FRMD4A: variants seen among roughly 807,000 people sequenced by gnomAD.
The protein encoded by FRMD4A is FERM domain-containing protein 4A.
A neutral mutation model predicts 129.1 loss-of-function variants in FRMD4A; 29 were observed. The ratio of observed to expected loss-of-function variants is 0.22; its 90% CI spans 0.17 to 0.31. The LOEUF is 0.31. Ranked by LOEUF, FRMD4A falls within the 10% of genes least tolerant of loss-of-function variation. The probability of loss-of-function intolerance (pLI) is 1.00; values close to 1 mark genes in which losing one functional copy is unlikely to be tolerated. For synonymous variants in FRMD4A, 634 were observed against 571.6 expected (o/e 1.11, Z -1.56); for missense variants, 1,272 against 1,375.8 (o/e 0.92, Z 1.19).
intron 2 of FRMD4A, among the ~76,000 whole-genome samples, chr10:13,884,417 T>C (rs2094595001): frequency 6.6e-6 from 1 of 152,162 alleles, no homozygotes; most frequent in Non-Finnish European, 1.5e-5. Context: ...AGTGTTGCCT[T>C]TTTTGTTCAG....
At chr10:14,039,811 CA>C (rs1833708665) in intron 2 of FRMD4A, among the ~76,000 whole-genome samples, 2 of 152,198 alleles carry the variant, frequency 1.3e-5, no homozygotes, top group Admixed American at 1.3e-4. Flanking sequence ...AAGCTGTACC[CA>C]ACCACCTTGG....
At chr10:14,142,719 T>C (rs1272014361) in intron 2 of FRMD4A, among the ~76,000 whole-genome samples, 1 of 152,204 alleles carries the variant, frequency 6.6e-6, no homozygotes, top group African/African-American at 2.4e-5. Flanking sequence ...AGTATTTCAA[T>C]GGGTAGAATG....
intron 2 of FRMD4A, among the ~76,000 whole-genome samples, chr10:13,946,771 T>C (rs1388580163): frequency 6.6e-6 from 1 of 151,878 alleles, no homozygotes; most frequent in Admixed American, 6.6e-5. Flanking sequence ...GTCAAATGGG[T>C]GATGTGTTCT....
intron 2 of FRMD4A, among the ~76,000 whole-genome samples, chr10:13,900,509 G>A (rs150437856): frequency 3.3e-5 from 5 of 152,226 alleles, no homozygotes; most frequent in African/African-American, 7.2e-5. Flanking sequence ...CGAGTACCAC[G>A]GTATAAAATT....
intron 2 of FRMD4A, among the ~76,000 whole-genome samples, chr10:14,038,983 C>T (rs1338102330): frequency 6.6e-6 from 1 of 152,180 alleles, no homozygotes; most frequent in African/African-American, 2.4e-5. Context: ...AGTGTGGACA[C>T]CGTTAATTTC....
At chr10:13,953,328 C>T (rs191627792) in intron 2 of FRMD4A, among the ~76,000 whole-genome samples, 4 of 152,272 alleles carry the variant, frequency 2.6e-5, no homozygotes, top group East Asian at 3.9e-4. Flanking sequence ...TGGCACGATG[C>T]CCCCAAGAAA....
At chr10:13,945,479 G>T (rs2095324827) in intron 2 of FRMD4A, among the ~76,000 whole-genome samples, 1 of 152,098 alleles carries the variant, frequency 6.6e-6, no homozygotes, top group Non-Finnish European at 1.5e-5. Context: ...CTTGCTGGAA[G>T]TCTCAGGATT....
chr10:14,157,673 A>G (rs908160081), intron 2 of FRMD4A, among the ~76,000 whole-genome samples: 11 of 152,174 alleles, frequency 7.2e-5, no homozygotes, highest in African/African-American at 2.7e-4. Flanking sequence ...TTGCACTCAC[A>G]CATCTGTAGG....
At chr10:13,660,735 C>A (rs2082575710) in intron 19 of FRMD4A, among the ~76,000 whole-genome samples, 182 bp from the exon 20 acceptor site, 1 of 152,158 alleles carries the variant, frequency 6.6e-6, no homozygotes, top group South Asian at 2.1e-4. Context: ...ACGAGTCAAA[C>A]CAAACCAGGG....
chr10:14,305,890 C>T (rs946965035), intron 2 of FRMD4A, among the ~76,000 whole-genome samples: 7 of 152,174 alleles, frequency 4.6e-5, no homozygotes, highest in Non-Finnish European at 1.0e-4. Flanking sequence ...TCAAATACTG[C>T]ATATTCTCAC....
intron 2 of FRMD4A, among the ~76,000 whole-genome samples, chr10:14,161,180 TCCTGA>T (rs1484580915): frequency 3.9e-5 from 6 of 152,170 alleles, no homozygotes; most frequent in Non-Finnish European, 8.8e-5. Flanking sequence ...GGTCTTGAAC[TCCTGA>T]CCTGAGGTAA....
chr10:14,094,417 G>A (rs186857683), intron 2 of FRMD4A, among the ~76,000 whole-genome samples: 1 of 152,320 alleles, frequency 6.6e-6, no homozygotes, highest in Non-Finnish European at 1.5e-5. Flanking sequence ...ATGTAATGAT[G>A]TGCCGCTATC....
At chr10:14,110,574 A>G (rs1321588728) in intron 2 of FRMD4A, among the ~76,000 whole-genome samples, 1 of 152,216 alleles carries the variant, frequency 6.6e-6, no homozygotes, top group Non-Finnish European at 1.5e-5. Flanking sequence ...ACTGGAAGAT[A>G]CTCCAAAAAA....
At chr10:14,208,729 C>T (rs916888994) in intron 2 of FRMD4A, among the ~76,000 whole-genome samples, 1 of 152,136 alleles carries the variant, frequency 6.6e-6, no homozygotes, top group African/African-American at 2.4e-5. Flanking sequence ...GAGACTGAGA[C>T]CTGGAGCAGG....
chr10:13,872,395 T>A (rs896013120), intron 2 of FRMD4A, among the ~76,000 whole-genome samples: 6 of 152,216 alleles, frequency 3.9e-5, no homozygotes, highest in African/African-American at 1.2e-4. Flanking sequence ...CAGCTCTTTT[T>A]CCCAGTAACT....
At chr10:14,021,172 C>A (rs1407916834) in intron 2 of FRMD4A, among the ~76,000 whole-genome samples, 1 of 152,036 alleles carries the variant, frequency 6.6e-6, no homozygotes, top group Non-Finnish European at 1.5e-5. Flanking sequence ...GACTTTAAAG[C>A]TCCCTCTCAA....
chr10:14,171,843 G>A (rs977039866), intron 2 of FRMD4A, among the ~76,000 whole-genome samples: 1 of 152,224 alleles, frequency 6.6e-6, no homozygotes, highest in African/African-American at 2.4e-5. Flanking sequence ...CAGGAAATCA[G>A]AAACTTCAAG....
At chr10:14,241,218 C>A (rs1305083221) in intron 2 of FRMD4A, among the ~76,000 whole-genome samples, 2 of 152,150 alleles carry the variant, frequency 1.3e-5, no homozygotes, top group Admixed American at 1.3e-4. Flanking sequence ...AATAGCCCAG[C>A]TAATGTAAAA....
At chr10:14,080,666 C>T (rs575972955) in intron 2 of FRMD4A, among the ~76,000 whole-genome samples, 1 of 152,052 alleles carries the variant, frequency 6.6e-6, no homozygotes, top group African/African-American at 2.4e-5. Context: ...GCCAGCCCTA[C>T]CATTTTGCAG....
Sources: allele counts gnomAD v4.1 joint callset (sites outside exome capture counted in the v4.1 genomes callset), GRCh38; gene constraint gnomAD v4.1.1; transcripts MANE v1.5; gene names NCBI Gene and HGNC (gene_info 2026-07-23, HGNC 2026-07-21).